Variants in MED23 observed in about 807,000 individuals in gnomAD.
MED23 encodes mediator complex subunit 23.
Under a neutral mutation model 163.9 loss-of-function variants are expected in MED23, and 105 were observed. That is an observed-to-expected ratio of 0.64 (90% confidence interval 0.55 to 0.75). The LOEUF is 0.75. MED23 is among the 30% of genes least tolerant of loss of function. The probability of loss-of-function intolerance (pLI) is 0.00; values close to 1 mark genes in which losing one functional copy is unlikely to be tolerated. For missense variants in MED23, 1,054 were observed against 1,649.0 expected (o/e 0.64, Z 6.25); for synonymous variants, 561 against 565.6 (o/e 0.99, Z 0.12).
At chr6:131,624,685 T>G (rs1275087797) in intron 4 of MED23, among the ~76,000 whole-genome samples, 180 bp downstream of exon 4, 2 of 152,194 alleles carry the variant, frequency 1.3e-5, no homozygotes, top group Non-Finnish European at 2.9e-5. Context: ...CCACAAGCAT[T>G]ACCTAATTCA....
At chr6:131,586,285 AG>A (rs1193295366), downstream of MED23, among the ~76,000 whole-genome samples, 4 of 152,152 alleles carry the variant, frequency 2.6e-5, no homozygotes, top group East Asian at 7.8e-4. Context: ...CTGTAGTCCC[AG>A]CTACAAGGGA....
Position 131,590,378 on chromosome 6 carries a change from G to C in MED23, c.3751C>G (p.Leu1251Val). 1 of 1,609,724 alleles carries C rather than the reference G, an allele frequency of 6.2e-7. No homozygotes were observed. Among genetic ancestry groups the C allele is most frequent in the South Asian group, 1.1e-5 (1 of 90,964 alleles). The change falls in exon 27 of 29, where the codon CTT becomes GTT. Residue 1251 changes from leucine to valine, a missense_variant. Leu to Val is a conservative substitution (Grantham distance 32, BLOSUM62 1). This residue lies in a region of MED23 where 362 missense variants were observed against 471.6 expected (regional missense o/e 0.77). Transcript: ENST00000368068. ...TEFQLLYVYHLVGPFLQRFQQ... is the reference protein window; with the variant it reads ...TEFQLLYVYHVVGPFLQRFQQ... ...AATCTTTGTAAAAATGGTCCAACAA[G>C]ATGGTATACATAAAGCAACTGGAAT... is the stretch of plus-strand genomic sequence containing the variant.
downstream of MED23, chr6:131,583,778 C>T (rs1473029048): frequency 1.2e-6 from 2 of 1,614,006 alleles, no homozygotes; most frequent in Admixed American, 1.7e-5. Flanking sequence ...GAAGTGAACC[C>T]ATCCCTGGGG....
In MED23 at chr6:131,616,021, A is replaced by C; in HGVS notation, c.781-19T>G. On this transcript the variant is annotated intron_variant, in intron 9 of 28. Coordinates refer to ENST00000368068, the MANE Select transcript of MED23 (RefSeq NM_004830.4). ...ACAGATCCTTTAAAGAAAATAAGAAAATCATTGCTTCAAGATCAATGTCAA... is the reference window on the plus strand; with the variant it reads ...ACAGATCCTTTAAAGAAAATAAGAACATCATTGCTTCAAGATCAATGTCAA... 1 of 1,570,740 alleles carries C rather than the reference A, an allele frequency of 6.4e-7. No homozygotes were observed. The highest frequency in any genetic ancestry group is 8.8e-7 in the Non-Finnish European group (1 of 1,141,342).
intron 10 of MED23, 60 bp downstream of exon 10, chr6:131,615,847 G>T (rs1295392522): frequency 2.1e-5 from 26 of 1,265,940 alleles, no homozygotes; most frequent in Non-Finnish European, 2.9e-5. Flanking sequence ...GCAAAGAAAA[G>T]AGAAAAGAAT....
Position 131,587,738 on chromosome 6 carries a change from T to C in MED23, c.4048A>G (p.Ser1350Gly), listed in dbSNP as rs867949007. Residue 1350 changes from serine (S) to glycine (G), a missense_variant, in exon 29 of 29, where the codon AGT (serine) becomes GGT (glycine). By Grantham distance (56) the Ser-to-Gly change is moderately conservative. Transcript: ENST00000368068. ...PAAVPPQAMN[S>G]GSPAPQSNQV... The stretch of plus-strand genomic sequence containing the variant: ...TTAGACTGAGGTGCTGGAGACCCAC[T>C]GTTCATGGCTTGTGGAGGCACTGCA... 1.2e-6 allele frequency: 2 copies of C among 1,614,146 alleles called. No individual in the cohort carries two copies. The highest frequency in any genetic ancestry group is 1.7e-6 in the Non-Finnish European group (2 of 1,180,006).
intron 10 of MED23, among the ~76,000 whole-genome samples, chr6:131,614,926 C>G (rs1167343122): frequency 1.3e-5 from 2 of 150,754 alleles, no homozygotes; most frequent in Admixed American, 1.3e-4. Context: ...TAAAGGCCAC[C>G]ACAAATCTTT....
At chr6:131,595,808 C>T (rs918021634) in intron 22 of MED23, 139 bp downstream of exon 22, 6 of 685,664 alleles carry the variant, frequency 8.8e-6, no homozygotes, top group Non-Finnish European at 1.5e-5. Flanking sequence ...TGGCACCATC[C>T]ATAGTACTTA....
chr6:131,618,358 T>C (rs768318255), intron 9 of MED23, 49 bp downstream of exon 9: 2 of 1,226,958 alleles, frequency 1.6e-6, no homozygotes, highest in East Asian at 2.4e-5. Context: ...ATAATCTAGG[T>C]TGAAGACTGT....
chr6:131,623,452 C>CA lies in MED23; in HGVS notation c.294dup (p.Glu99Ter). The CA allele has an allele frequency of 6.2e-7, 1 of 1,613,734 alleles. No homozygotes were observed. The highest frequency in any genetic ancestry group is 8.5e-7 in the Non-Finnish European group (1 of 1,179,744). On this transcript the variant is annotated frameshift_variant, in exon 5 of 29. Coordinates refer to ENST00000368068, the MANE Select transcript of MED23 (RefSeq NM_004830.4). LOFTEE classifies it high-confidence loss of function. ...AGAGTGTCAGAGTTTATCAGGGATT[C>CA]ACAAACCAGCCTATAAAAAAAGAAA...
chr6:131,601,610 C>T (rs1775489102), intron 17 of MED23, among the ~76,000 whole-genome samples: 1 of 152,154 alleles, frequency 6.6e-6, no homozygotes, highest in Non-Finnish European at 1.5e-5. Flanking sequence ...TTTCCAACCT[C>T]ATCTGTGTGA....
intron 20 of MED23, among the ~76,000 whole-genome samples, chr6:131,597,208 G>A (rs1335092805): frequency 6.6e-6 from 1 of 151,972 alleles, no homozygotes; most frequent in Non-Finnish European, 1.5e-5. Context: ...CAGGCGCGGT[G>A]GCTCACACTT....
intron 17 of MED23, among the ~76,000 whole-genome samples, chr6:131,601,993 T>C (rs1318739176): frequency 6.6e-6 from 1 of 152,158 alleles, no homozygotes; most frequent in African/African-American, 2.4e-5. Context: ...ATTACTACTT[T>C]AAAATTATGG....
intron 13 of MED23, 98 bp downstream of exon 13, chr6:131,606,381 A>G (rs1775857728): frequency 6.0e-6 from 8 of 1,331,548 alleles, no homozygotes; most frequent in Non-Finnish European, 7.5e-6. Flanking sequence ...GGGTATGCGG[A>G]GATTTCCAAA....
intron 1 of MED23, 142 bp downstream of exon 1, chr6:131,627,869 C>T: frequency 1.7e-6 from 2 of 1,184,972 alleles, no homozygotes; most frequent in Non-Finnish European, 2.5e-6. Flanking sequence ...CTAAACTTCC[C>T]CGCATACAAC....
chr6:131,605,409 A>T lies in MED23; in HGVS notation c.1444T>A (p.Ser482Thr). 2.5e-6 allele frequency: 4 copies of T among 1,612,606 alleles called. No homozygotes were observed. The highest frequency in any genetic ancestry group is 3.4e-6 in the Non-Finnish European group (4 of 1,178,874). Residue 482 changes from serine to threonine, a missense_variant, in exon 14 of 29, where the codon TCT (serine) becomes ACT (threonine). Coordinates refer to ENST00000368068, the MANE Select transcript of MED23 (RefSeq NM_004830.4). ...AATGTAAAACATTCTGAATTTGTAG[A>T]GTATGCATTACACAATAGAGCAATC... ...YKIALLCNAY[S>T]TNSECFTLPM...
chr6:131,618,992 G>A lies in MED23; in HGVS notation c.668-473C>T, dbSNP rs574305012. On this transcript the variant is annotated intron_variant, in intron 8 of 28. Transcript: ENST00000368068. ...AACTTTATGCACGATATTCCTAGAG[G>A]CCTTAGATGTCACATATGACTATCA... Among the ~76,000 whole-genome samples the A allele has an allele frequency of 2.0e-5, 3 of 152,264 alleles. No homozygotes were observed. In the East Asian group the frequency reaches 5.8e-4, roughly 29 times the overall value.
chr6:131,588,709 C>T (rs1388420130), intron 28 of MED23, among the ~76,000 whole-genome samples: 2 of 152,026 alleles, frequency 1.3e-5, no homozygotes, highest in Middle Eastern at 6.4e-3. Flanking sequence ...CTTAACTTTC[C>T]CTATCTGTCC....
In MED23 at chr6:131,620,796, T is replaced by C. The variant is rs373635405; in HGVS notation, c.496-67A>G. The stretch of plus-strand genomic sequence containing the variant: ...ACATATAAGCCCTTTATTTTATTTA[T>C]TATCATTATTTTTTTTTTTTTTTGA... On this transcript the variant is annotated intron_variant, in intron 6 of 28. Transcript: ENST00000368068. The C allele has an allele frequency of 3.0e-5, 28 of 936,926 alleles. No individual in the cohort carries two copies. The South Asian group carries it at 4.1e-4, about 14-fold the overall frequency. 58.0% of individuals were successfully genotyped at this position (936,926 alleles called of 1,614,324 possible). A position where few individuals can be genotyped will look rare whatever the true frequency, so the allele number is the denominator to read the frequency against.
Sources: gnomAD v4.1 joint callset for allele counts (sites outside exome capture counted in the v4.1 genomes callset) on GRCh38, gnomAD v4.1.1 for gene constraint, gnomAD v4.1.1 regional missense constraint, MANE v1.5 for transcripts, NCBI Gene and HGNC (gene_info 2026-07-23, HGNC 2026-07-21) for gene names.